LPP: variants seen among roughly 807,000 people sequenced by gnomAD.
LPP encodes LIM domain containing preferred translocation partner in lipoma.
LPP carries 38 observed loss-of-function variants against 60.4 expected under a neutral mutation model. The observed-to-expected ratio is 0.63, with a 90% CI of 0.49 to 0.83. LPP has a LOEUF of 0.83. Among genes scored for constraint, LPP ranks in the 40% least tolerant of loss-of-function variants. The probability of loss-of-function intolerance (pLI) is 0.00; values close to 1 mark genes in which losing one functional copy is unlikely to be tolerated. For missense variants in LPP, 902 were observed against 783.6 expected (o/e 1.15, Z -1.80); for synonymous variants, 328 against 290.8 (o/e 1.13, Z -1.30).
intron 8 of LPP, among the ~76,000 whole-genome samples, chr3:188,737,535 G>C (rs940802969): frequency 6.6e-6 from 1 of 152,142 alleles, no homozygotes; most frequent in Non-Finnish European, 1.5e-5. Flanking sequence ...TTCTGGAAGA[G>C]AGCTAAGAAA....
At position 188,874,796 on chromosome 3, in the gene LPP, TG is replaced by T. The variant is rs1234866811; in HGVS notation, c.*318del. ...ATGTTTGTCTCACTTTTCATCTGGT[TG>T]AATGGCTTTTCTTAGTGTGGTATTT... On this transcript the variant is annotated 3_prime_UTR_variant, in exon 12 of 12. Coordinates refer to ENST00000617246, the MANE Select transcript of LPP (RefSeq NM_001375462.1). 25 of 262,144 alleles carry T rather than the reference TG, an allele frequency of 9.5e-5. No individual in the cohort carries two copies. The highest frequency in any genetic ancestry group is 1.8e-4 in the Non-Finnish European group (24 of 136,120). The allele number at this position is 262,144 out of a possible 1,614,324, so 16.2% of individuals were successfully genotyped here. A position where few individuals can be genotyped will look rare whatever the true frequency, so the allele number is the denominator to read the frequency against.
Position 188,250,784 on chromosome 3 carries a change from T to TCTGTCTG in LPP, c.-67+25257_-67+25258insCTGTCTG, listed in dbSNP as rs1729057230. 1.7e-4 allele frequency among the ~76,000 whole-genome samples: 20 copies of TCTGTCTG among 116,934 alleles called. 1 individual carries two copies. Among genetic ancestry groups the TCTGTCTG allele is most frequent in the African/African-American group, 7.0e-4 (19 of 27,020 alleles). The allele number at this position is 116,934 out of a possible 152,430, so 76.7% of individuals were successfully genotyped here. A position where few individuals can be genotyped will look rare whatever the true frequency, so the allele number is the denominator to read the frequency against. On this transcript the variant is annotated intron_variant, in intron 2 of 11. Coordinates refer to ENST00000617246, the MANE Select transcript of LPP (RefSeq NM_001375462.1). ...TTTCTTTCTTTCTTTCTTTCTTTCT[T>TCTGTCTG]TCTGTCTTTCTCTTTCTTTCTTTCT...
At chr3:188,592,237 A>G (rs1838871541) in intron 6 of LPP, among the ~76,000 whole-genome samples, 1 of 152,132 alleles carries the variant, frequency 6.6e-6, no homozygotes, top group Admixed American at 6.6e-5. Flanking sequence ...ATTTTTGAAG[A>G]ATTTTAAAAT....
chr3:188,318,750 A>ATTTTTTTTTTTTTTTTTT (rs1578073052), intron 2 of LPP, among the ~76,000 whole-genome samples: 2 of 120,518 alleles, frequency 1.7e-5, no homozygotes, highest in African/African-American at 3.3e-5. Flanking sequence ...AAAAATTATG[A>ATTTTTTTTTTTTTTTTTT]TTCTTTTTTT....
intron 9 of LPP, among the ~76,000 whole-genome samples, chr3:188,773,532 A>G (rs1228627624): frequency 6.6e-6 from 1 of 152,160 alleles, no homozygotes; most frequent in Non-Finnish European, 1.5e-5. Context: ...CTTTTTAATT[A>G]TATCTGTCAT....
intron 2 of LPP, among the ~76,000 whole-genome samples, chr3:188,338,339 A>T (rs757448019): frequency 6.6e-6 from 1 of 152,218 alleles, no homozygotes; most frequent in Non-Finnish European, 1.5e-5. Flanking sequence ...CATATTTGTC[A>T]TCTAATTCCT....
intron 9 of LPP, among the ~76,000 whole-genome samples, chr3:188,859,895 A>C (rs1764778117): frequency 6.6e-6 from 1 of 152,198 alleles, no homozygotes; most frequent in Non-Finnish European, 1.5e-5. Context: ...TCTATCAGGA[A>C]AACTTTCATC....
chr3:188,409,522 G>A (rs1488521541), intron 4 of LPP, among the ~76,000 whole-genome samples: 1 of 152,010 alleles, frequency 6.6e-6, no homozygotes, highest in African/African-American at 2.4e-5. Flanking sequence ...CATCTATTGT[G>A]TTTGTTTACA....
Position 188,204,787 on chromosome 3 carries a change from A to C in LPP, c.-189-20618A>C, listed in dbSNP as rs537856416. Among the ~76,000 whole-genome samples, 35 of 152,274 alleles carry C rather than the reference A, an allele frequency of 2.3e-4. No homozygotes were observed. The Middle Eastern group carries it at 0.01, about 44-fold the overall frequency. On this transcript the variant is annotated intron_variant, in intron 1 of 11. Transcript: ENST00000617246. ...AATGACCTGGAGGAGTGTTTTTCTC[A>C]AACTCACATTTCTTTATCCTCCACA...
At chr3:188,385,181 A>G (rs1398080269) in intron 3 of LPP, among the ~76,000 whole-genome samples, 1 of 150,854 alleles carries the variant, frequency 6.6e-6, no homozygotes, top group African/African-American at 2.4e-5. Flanking sequence ...CTTCCCCTGA[A>G]CCCCTCACCT....
chr3:188,177,062 G>C (rs564137076), intron 1 of LPP, among the ~76,000 whole-genome samples: 43 of 152,356 alleles, frequency 2.8e-4, no homozygotes, highest in African/African-American at 1.0e-3. Context: ...AATCTGCTTA[G>C]GAGATGGCAA....
At position 188,609,707 on chromosome 3, in the gene LPP, T is replaced by C. The variant is rs1453624063; in HGVS notation, c.976T>C (p.Trp326Arg). 6.2e-7 allele frequency: 1 copy of C among 1,613,982 alleles called. No individual in the cohort carries two copies. Among genetic ancestry groups the C allele is most frequent in the African/African-American group, 1.3e-5 (1 of 74,894 alleles). ...TGGTCAACAAGGTCACCCAAATACC[T>C]GGAAACGGGAACCAGGGTACACTCC... is the stretch of plus-strand genomic sequence containing the variant. ...TYGQQGHPNT[W>R]KREPGYTPPG... The change falls in exon 7 of 12, where the codon TGG (tryptophan) becomes CGG (arginine). Residue 326 changes from tryptophan (W) to arginine (R), a missense_variant. Trp to Arg is a moderately radical substitution (Grantham distance 101, BLOSUM62 -3). Coordinates refer to ENST00000617246, the MANE Select transcript of LPP (RefSeq NM_001375462.1). The surrounding 1 kb of genome is among the most constrained non-coding windows in gnomAD (Gnocchi z 6.9).
At chr3:188,225,777 G>A (rs59070844) in intron 2 of LPP, among the ~76,000 whole-genome samples, 2 of 152,338 alleles carry the variant, frequency 1.3e-5, no homozygotes, top group East Asian at 3.9e-4. Flanking sequence ...GAAGGTGGTA[G>A]CATTGAACTT....
chr3:188,701,493 GTAA>G (rs1560086086), intron 7 of LPP, among the ~76,000 whole-genome samples: 1 of 152,178 alleles, frequency 6.6e-6, no homozygotes, highest in Non-Finnish European at 1.5e-5. Context: ...TTGTATTGCC[GTAA>G]GGCAGGTCAG....
intron 2 of LPP, among the ~76,000 whole-genome samples, chr3:188,275,464 A>G (rs772605507): frequency 2.6e-5 from 4 of 152,120 alleles, no homozygotes; most frequent in Non-Finnish European, 5.9e-5. Context: ...GGCTCAAGCA[A>G]TTCTGCCGTA....
intron 2 of LPP, among the ~76,000 whole-genome samples, chr3:188,309,976 T>C (rs1752862877): frequency 6.6e-6 from 1 of 152,008 alleles, no homozygotes; most frequent in South Asian, 2.1e-4. Flanking sequence ...TCCTTATTTC[T>C]TTAAATGAGA....
intron 7 of LPP, among the ~76,000 whole-genome samples, chr3:188,654,721 A>G (rs1238625212): frequency 6.6e-6 from 1 of 152,186 alleles, no homozygotes; most frequent in Non-Finnish European, 1.5e-5. Context: ...ATGACCCCCA[A>G]TAGCTTACCC....
chr3:188,543,203 G>A (rs1327794276), intron 6 of LPP, among the ~76,000 whole-genome samples: 1 of 152,152 alleles, frequency 6.6e-6, no homozygotes, highest in Non-Finnish European at 1.5e-5. Flanking sequence ...AGAGATGTTG[G>A]TGGATTGGGG....
At chr3:188,713,102 T>C (rs922326456) in intron 8 of LPP, among the ~76,000 whole-genome samples, 2 of 152,154 alleles carry the variant, frequency 1.3e-5, no homozygotes, top group Non-Finnish European at 2.9e-5. Flanking sequence ...CTGGAAGCCG[T>C]CTTAAACCAA....
Sources: allele counts gnomAD v4.1 joint callset (sites outside exome capture counted in the v4.1 genomes callset), GRCh38; gene constraint gnomAD v4.1.1; non-coding constraint Gnocchi (gnomAD v3.1); transcripts MANE v1.5; gene names NCBI Gene and HGNC (gene_info 2026-07-23, HGNC 2026-07-21).